CDON: variants seen among roughly 807,000 people sequenced by gnomAD.
CDON encodes the protein cell adhesion associated, oncogene regulated.
In CDON, 73 loss-of-function variants were observed where a neutral mutation model predicts 120.9. That is an observed-to-expected ratio of 0.60 (90% CI 0.50 to 0.73). The LOEUF (loss-of-function observed/expected upper bound fraction) is 0.73, where lower values mean the gene tolerates loss of function less well. Ranked by LOEUF, CDON falls within the 30% of genes least tolerant of loss-of-function variation. The probability of loss-of-function intolerance (pLI) is 0.00; values close to 1 mark genes in which losing one functional copy is unlikely to be tolerated. For synonymous variants in CDON, 566 were observed against 573.5 expected, an observed-to-expected ratio of 0.99 and a Z score of 0.19; for missense variants, 1,470 against 1,587.3, an observed-to-expected ratio of 0.93 and a Z score of 1.26.
rs1297810649 is a variant in CDON at position 125,958,812 on chromosome 11, T to C, written c.*2130A>G. On this transcript the variant is annotated 3_prime_UTR_variant, in exon 20 of 20. Coordinates refer to ENST00000531738, the MANE Select transcript of CDON (RefSeq NM_001378964.1). Reference sequence around the variant, plus strand: ...GTTCATGACCTAAGGCTCATGCTAATACACCTGTTTCCTAAATCAAAATGG... The same window carrying C: ...GTTCATGACCTAAGGCTCATGCTAACACACCTGTTTCCTAAATCAAAATGG... 6.6e-6 allele frequency: 1 copy of C among 152,566 alleles called. No individual in the cohort carries two copies. Among genetic ancestry groups the C allele is most frequent in the African/African-American group, 2.4e-5 (1 of 41,430 alleles). The allele number at this position is 152,566 out of a possible 1,614,324, so 9.5% of individuals were successfully genotyped here. A position where few individuals can be genotyped will look rare whatever the true frequency, so the allele number is the denominator to read the frequency against.
Position 126,018,758 on chromosome 11 carries a change from G to A in CDON, c.497-285C>T, listed in dbSNP as rs1478011849. 3.3e-5 allele frequency among the ~76,000 whole-genome samples: 5 copies of A among 152,202 alleles called. No individual in the cohort carries two copies. In the East Asian group the frequency reaches 7.7e-4, roughly 24 times the overall value. On this transcript the variant is annotated intron_variant, in intron 4 of 19. Coordinates refer to ENST00000531738, the MANE Select transcript of CDON (RefSeq NM_001378964.1). Reference sequence around the variant, plus strand: ...TAATTTTTAAATTTTTTGTAGAGATGGGGGTCTCACTATATTGCCCAGGCT... The same window carrying A: ...TAATTTTTAAATTTTTTGTAGAGATAGGGGTCTCACTATATTGCCCAGGCT...
At position 125,962,012 on chromosome 11, in the gene CDON, AC is replaced by A; in HGVS notation, c.3357-15del. On this transcript the variant is annotated splice_polypyrimidine_tract_variant and intron_variant, in intron 18 of 19. Transcript: ENST00000531738. ...TTGGTGAAACACCTGCAGAGGTTAA[AC>A]CAAAAGAAACAGAATTGTGTCTAGA... 1 of 1,599,460 alleles carries A rather than the reference AC, an allele frequency of 6.3e-7. No individual in the cohort carries two copies. The highest frequency in any genetic ancestry group is 8.6e-7 in the Non-Finnish European group (1 of 1,166,702).
intron 14 of CDON, among the ~76,000 whole-genome samples, 183 bp downstream of exon 14, chr11:125,994,101 G>C (rs1328200750): frequency 1.3e-5 from 2 of 152,180 alleles, no homozygotes; most frequent in East Asian, 3.8e-4. Context: ...TCTGCAACCA[G>C]AATATAAGGT....
At position 125,997,395 on chromosome 11, in the gene CDON, T is replaced by A. The variant is rs1946821218; in HGVS notation, c.2174A>T (p.Asp725Val). The A allele has an allele frequency of 6.2e-7, 1 of 1,612,240 alleles. No individual in the cohort carries two copies. The highest frequency in any genetic ancestry group is 1.3e-5 in the African/African-American group (1 of 74,862). ...SRHSGVPEAPDRPTISTASET... is the reference protein window; with the variant it reads ...SRHSGVPEAPVRPTISTASET... ...TGATGCAGTGGAGATGGTAGGCCGATCTGGTGCCTCTGGAACTAAACACGG... is the reference window on the plus strand; with the variant it reads ...TGATGCAGTGGAGATGGTAGGCCGAACTGGTGCCTCTGGAACTAAACACGG... The change falls in exon 12 of 20, where the codon GAT (aspartate) becomes GTT (valine). Residue 725 changes from aspartate to valine, a missense_variant. Asp to Val is a radical substitution (Grantham distance 152). Transcript: ENST00000531738.
At chr11:125,982,938 T>C (rs959768613) in intron 16 of CDON, among the ~76,000 whole-genome samples, 2 of 152,150 alleles carry the variant, frequency 1.3e-5, no homozygotes, top group African/African-American at 2.4e-5. Flanking sequence ...GAAAATCAAA[T>C]GATCACCATC....
In CDON at chr11:126,057,354, T is replaced by A. The variant is rs981447306; in HGVS notation, c.-62+5225A>T. On this transcript the variant is annotated intron_variant, in intron 1 of 19. Coordinates refer to ENST00000531738, the MANE Select transcript of CDON (RefSeq NM_001378964.1). ...AAAGCATGAATTAGTACTGTATACA[T>A]AAATAAATGTTATTCAATAACATGA... Among the ~76,000 whole-genome samples, 5 of 152,298 alleles carry A rather than the reference T, an allele frequency of 3.3e-5. No individual in the cohort carries two copies. The East Asian group carries it at 9.6e-4, about 29-fold the overall frequency.
chr11:125,956,857 G>T lies in CDON; in HGVS notation c.*4085C>A. 2.0e-6 allele frequency: 2 copies of T among 986,116 alleles called. No homozygotes were observed. The highest frequency in any genetic ancestry group is 2.4e-6 in the Non-Finnish European group (2 of 830,486). 61.1% of individuals were successfully genotyped at this position (986,116 alleles called of 1,614,324 possible). ...CAGAGTTAGACTTTATTAGATAAGG[G>T]GTTTCGGCTACCCTCAAAGCTCTCA... On this transcript the variant is annotated 3_prime_UTR_variant, in exon 20 of 20. Transcript: ENST00000531738.
chr11:126,014,445 G>A (rs1947399958), intron 7 of CDON, among the ~76,000 whole-genome samples: 1 of 152,182 alleles, frequency 6.6e-6, no homozygotes, highest in Non-Finnish European at 1.5e-5. Context: ...AGGAAACAAG[G>A]AGAGTTAAGT....
At chr11:125,973,016 G>GTATTTTTTTTTTTTTT (rs1946046616) in intron 18 of CDON, among the ~76,000 whole-genome samples, 1 of 70,644 alleles carries the variant, frequency 1.4e-5, no homozygotes, top group Non-Finnish European at 2.8e-5. Flanking sequence ...CAATTACTTG[G>GTATTTTTTTTTTTTTT]TCTTTTTTTT....
In CDON at chr11:126,005,757, A is replaced by AC. The variant is rs1335997815; in HGVS notation, c.1851+1dup. 2 of 1,612,652 alleles carry AC rather than the reference A, an allele frequency of 1.2e-6. No homozygotes were observed. Among genetic ancestry groups the AC allele is most frequent in the Non-Finnish European group, 1.7e-6 (2 of 1,179,754 alleles). On this transcript the variant is annotated splice_donor_variant, in intron 9 of 19. Coordinates refer to ENST00000531738, the MANE Select transcript of CDON (RefSeq NM_001378964.1). LOFTEE classifies it high-confidence loss of function. ...GAAAGATGATAAACGACAAGACATT[A>AC]CCTTTCGATACTTCACAAAGTAAGC...
intron 18 of CDON, among the ~76,000 whole-genome samples, chr11:125,971,411 T>TAAATAAATAAATAAATA (rs11404576): frequency 0.012 from 1,718 of 148,948 alleles, 19 homozygotes; most frequent in Admixed American, 0.034. Flanking sequence ...AATAAATAAA[T>TAAATAAATAAATAAATA]AATAATAATT....
chr11:125,963,812 A>C (rs1565487389), intron 18 of CDON, among the ~76,000 whole-genome samples: 1 of 152,188 alleles, frequency 6.6e-6, no homozygotes, highest in Non-Finnish European at 1.5e-5. Context: ...CTATAGCAAA[A>C]AAATGCCTGA....
intron 17 of CDON, among the ~76,000 whole-genome samples, chr11:125,980,740 A>T (rs1023205123): frequency 6.6e-6 from 1 of 152,224 alleles, no homozygotes; most frequent in East Asian, 1.9e-4. Context: ...CGATAAATCA[A>T]ATTTAAAGTA....
At chr11:125,970,172 G>GT (rs36021097) in intron 18 of CDON, among the ~76,000 whole-genome samples, 30,085 of 103,000 alleles carry the variant, frequency 0.29, 4,866 homozygotes, top group East Asian at 0.55. Context: ...GGTAGTTTAT[G>GT]TTTTTTTTTT....
rs1444518744 is a variant in CDON at position 125,958,016 on chromosome 11, G to C, written c.*2926C>G. The C allele has an allele frequency of 1.3e-5, 2 of 152,272 alleles. No homozygotes were observed. The highest frequency in any genetic ancestry group is 4.8e-5 in the African/African-American group (2 of 41,466). 9.4% of individuals were successfully genotyped at this position (152,272 alleles called of 1,614,324 possible). The stretch of plus-strand genomic sequence containing the variant: ...GTAAAGATCAAATTTCCAGGTGGAG[G>C]TGGTAGACAGGGGGCGTCAAGGGGA... On this transcript the variant is annotated 3_prime_UTR_variant, in exon 20 of 20. Transcript: ENST00000531738.
At chr11:125,961,595 C>T in intron 19 of CDON, 129 bp downstream of exon 19, 1 of 1,274,862 alleles carries the variant, frequency 7.8e-7, no homozygotes, top group Non-Finnish European at 1.1e-6. Flanking sequence ...CCCAGCACCC[C>T]ACCCAGTCTC....
At chr11:126,049,904 C>T (rs186649274) in intron 1 of CDON, among the ~76,000 whole-genome samples, 84 of 152,272 alleles carry the variant, frequency 5.5e-4, no homozygotes, top group African/African-American at 1.5e-3. Flanking sequence ...ACATCCTCCT[C>T]GTTAACTTCT....
chr11:126,049,567 A>G (rs547259873), intron 1 of CDON, among the ~76,000 whole-genome samples: 17 of 152,244 alleles, frequency 1.1e-4, no homozygotes, highest in African/African-American at 4.1e-4. Flanking sequence ...TATCCCATTA[A>G]ACAGTTAATA....
At chr11:126,010,846 A>C in intron 7 of CDON, 152 bp from the exon 8 acceptor site, 1 of 697,108 alleles carries the variant, frequency 1.4e-6, no homozygotes, top group Non-Finnish European at 2.6e-6. Context: ...TTCACCAAGT[A>C]AGACTGTCAA....
Sources: gnomAD v4.1 joint callset for allele counts (sites outside exome capture counted in the v4.1 genomes callset) on GRCh38, gnomAD v4.1.1 for gene constraint, MANE v1.5 for transcripts, NCBI Gene and HGNC (gene_info 2026-07-23, HGNC 2026-07-21) for gene names.